GRIP1: variants seen among roughly 807,000 people sequenced by gnomAD.
GRIP1 encodes the protein glutamate receptor interacting protein 1, also known as glutamate receptor-interacting protein 1.
In GRIP1, 45 loss-of-function variants were observed where a neutral mutation model predicts 129.9. That is an observed-to-expected ratio of 0.35 (90% CI 0.27 to 0.44). The LOEUF (loss-of-function observed/expected upper bound fraction) is 0.44. Among genes scored for constraint, GRIP1 ranks in the 20% least tolerant of loss-of-function variants. The probability of loss-of-function intolerance (pLI) is 1.00; values close to 1 mark genes in which losing one functional copy is unlikely to be tolerated. For missense variants in GRIP1, 1,196 were observed against 1,396.8 expected (o/e 0.86, Z 2.29); for synonymous variants, 530 against 520.8 (o/e 1.02, Z -0.24).
At chr12:67,068,241 T>A (rs1318428624) in intron 1 of GRIP1, among the ~76,000 whole-genome samples, 1 of 152,104 alleles carries the variant, frequency 6.6e-6, no homozygotes, top group Non-Finnish European at 1.5e-5. Flanking sequence ...TCAACTTTCC[T>A]CTCCGCAAGT....
At chr12:66,518,200 C>T (rs2060901372) in intron 5 of GRIP1, among the ~76,000 whole-genome samples, 1 of 151,972 alleles carries the variant, frequency 6.6e-6, no homozygotes, top group Non-Finnish European at 1.5e-5. Flanking sequence ...ATGGCTGTAA[C>T]CAGGTAATAT....
At chr12:66,936,898 T>C (rs2041494886) in intron 1 of GRIP1, among the ~76,000 whole-genome samples, 1 of 152,312 alleles carries the variant, frequency 6.6e-6, no homozygotes, top group South Asian at 2.1e-4. Context: ...ATTTTAGAGC[T>C]TGACGTTGGG....
At chr12:66,618,274 G>A (rs2065127343) in intron 1 of GRIP1, among the ~76,000 whole-genome samples, 1 of 152,152 alleles carries the variant, frequency 6.6e-6, no homozygotes, top group Non-Finnish European at 1.5e-5. Flanking sequence ...GCAGAGCAGT[G>A]TGCATATGCT....
intron 1 of GRIP1, among the ~76,000 whole-genome samples, chr12:66,889,357 A>G (rs2137224864): frequency 6.6e-6 from 1 of 152,268 alleles, no homozygotes; most frequent in East Asian, 1.9e-4. Flanking sequence ...GCTACTCGGG[A>G]GGCTGAGGCA....
At position 66,632,925 on chromosome 12, in the gene GRIP1, G is replaced by A. The variant is rs1282308095; in HGVS notation, c.56-35998C>T. ...ATTCTATTTTATAAAGAAGAAAATT[G>A]AAGCTCAGGGTATAAGTGACTTGCT... On this transcript the variant is annotated intron_variant, in intron 1 of 24. Coordinates refer to ENST00000359742, the MANE Select transcript of GRIP1 (RefSeq NM_001366722.1). Among the ~76,000 whole-genome samples the A allele has an allele frequency of 7.2e-5, 11 of 152,222 alleles. No individual in the cohort carries two copies. In the East Asian group the frequency reaches 1.7e-3, roughly 24 times the overall value.
Position 66,793,309 on chromosome 12 carries a change from G to T in GRIP1, c.-420+10744C>A, listed in dbSNP as rs1357506865. On this transcript the variant is annotated intron_variant, in intron 1 of 4. Transcript: ENST00000538373. Reference sequence around the variant, plus strand: ...CACAGCCCTCCTGCTCTTGTACTACGTTGCTGAGGGATTATACACAAAGCT... The same window carrying T: ...CACAGCCCTCCTGCTCTTGTACTACTTTGCTGAGGGATTATACACAAAGCT... Among the ~76,000 whole-genome samples the T allele has an allele frequency of 3.9e-5, 6 of 152,104 alleles. No individual in the cohort carries two copies. The South Asian group carries it at 1.2e-3, about 31-fold the overall frequency.
chr12:66,576,462 T>A (rs2063142851), intron 2 of GRIP1, among the ~76,000 whole-genome samples: 1 of 152,218 alleles, frequency 6.6e-6, no homozygotes, highest in South Asian at 2.1e-4. Flanking sequence ...TGATCAGGAA[T>A]AGAGACTATT....
At chr12:66,613,872 A>G (rs972160592) in intron 1 of GRIP1, among the ~76,000 whole-genome samples, 1 of 152,220 alleles carries the variant, frequency 6.6e-6, no homozygotes, top group Non-Finnish European at 1.5e-5. Context: ...AAAACACAGT[A>G]TTAGGTACCA....
rs150534325 is a variant in GRIP1 at position 67,054,814 on chromosome 12, G to A, written c.58+14236C>T. 2.3e-3 allele frequency among the ~76,000 whole-genome samples: 347 copies of A among 151,898 alleles called. 3 individuals are homozygous for A. The highest frequency in any genetic ancestry group is 8.0e-3 in the African/African-American group (331 of 41,422). On this transcript the variant is annotated intron_variant, in intron 1 of 1. Transcript: ENST00000643019. ...TAGTACTCCAATATGTAGAAATCAG[G>A]GGCATGAGGGAAAAAACACCAACAG...
At chr12:66,803,384 A>G (rs2038911629) in intron 1 of GRIP1, among the ~76,000 whole-genome samples, 1 of 152,156 alleles carries the variant, frequency 6.6e-6, no homozygotes, top group Admixed American at 6.5e-5. Flanking sequence ...ACAAGTCTAA[A>G]CCTTACCAGA....
chr12:66,757,302 T>A (rs1451510787), intron 1 of GRIP1, among the ~76,000 whole-genome samples: 1 of 152,184 alleles, frequency 6.6e-6, no homozygotes, highest in Non-Finnish European at 1.5e-5. Context: ...TTTTCATTTT[T>A]AGCACCCACA....
chr12:66,763,001 T>C (rs1296704883), intron 1 of GRIP1, among the ~76,000 whole-genome samples: 1 of 152,232 alleles, frequency 6.6e-6, no homozygotes, highest in Non-Finnish European at 1.5e-5. Context: ...CTTGATATTC[T>C]GTTTACAGAA....
At chr12:66,786,212 T>C (rs2038339607) in intron 1 of GRIP1, among the ~76,000 whole-genome samples, 1 of 152,124 alleles carries the variant, frequency 6.6e-6, no homozygotes, top group Non-Finnish European at 1.5e-5. Context: ...GAGTTGGGGG[T>C]AGAAAATCAA....
intron 1 of GRIP1, among the ~76,000 whole-genome samples, chr12:66,876,461 A>G (rs994510718): frequency 3.9e-5 from 6 of 152,088 alleles, no homozygotes; most frequent in African/African-American, 1.2e-4. Flanking sequence ...TAAACCTAGT[A>G]AATGACAGGT....
At chr12:66,450,165 G>C (rs944110541) in intron 11 of GRIP1, among the ~76,000 whole-genome samples, 1 of 151,694 alleles carries the variant, frequency 6.6e-6, no homozygotes, top group Non-Finnish European at 1.5e-5. Flanking sequence ...TTAGCCGGGC[G>C]TGGTGGCAGG....
chr12:66,625,887 C>T (rs1274531564), intron 1 of GRIP1, among the ~76,000 whole-genome samples: 2 of 151,962 alleles, frequency 1.3e-5, no homozygotes, highest in South Asian at 2.1e-4. Context: ...CTAAGAATTT[C>T]GGGTACTGAG....
intron 4 of GRIP1, among the ~76,000 whole-genome samples, chr12:66,533,840 TACAC>T (rs10545416): frequency 0.38 from 54,681 of 144,746 alleles, 10,062 homozygotes; most frequent in African/African-American, 0.44. Context: ...TCTATCAGAT[TACAC>T]ACACACACAC....
chr12:66,738,653 G>T (rs2036689779), intron 1 of GRIP1, among the ~76,000 whole-genome samples: 1 of 152,192 alleles, frequency 6.6e-6, no homozygotes. Context: ...GTCAGAAGGA[G>T]CAAAAGGGGA....
chr12:66,558,240 TCA>T (rs2062400726), intron 2 of GRIP1, among the ~76,000 whole-genome samples: 1 of 152,142 alleles, frequency 6.6e-6, no homozygotes. Context: ...TTTAATGGAC[TCA>T]CAGTTACACA....
Sources: gnomAD v4.1 joint callset for allele counts (sites outside exome capture counted in the v4.1 genomes callset) on GRCh38, gnomAD v4.1.1 for gene constraint, MANE v1.5 for transcripts, NCBI Gene and HGNC (gene_info 2026-07-23, HGNC 2026-07-21) for gene names.